The following SEMA6D variants were observed in gnomAD, a reference collection of about 807,000 sequenced individuals.
SEMA6D encodes the protein semaphorin 6D.
In SEMA6D, 35 loss-of-function variants were observed where a neutral mutation model predicts 106.6. The ratio of observed to expected loss-of-function variants is 0.33; its 90% CI spans 0.25 to 0.44. SEMA6D has a LOEUF of 0.44. SEMA6D is among the 20% of genes least tolerant of loss of function. The pLI, the probability that SEMA6D is intolerant of heterozygous loss-of-function variation, is 1.00. For synonymous variants in SEMA6D, 499 were observed against 487.7 expected, an observed-to-expected ratio of 1.02 and a Z score of -0.31; for missense variants, 1,185 against 1,345.9, an observed-to-expected ratio of 0.88 and a Z score of 1.87.
Position 47,568,099 on chromosome 15 carries a change from T to C in SEMA6D, c.-86-32766T>C, listed in dbSNP as rs1002809285. Among the ~76,000 whole-genome samples, 15 of 151,188 alleles carry C rather than the reference T, an allele frequency of 9.9e-5. No homozygotes were observed. The East Asian group carries it at 2.7e-3, about 28-fold the overall frequency. On this transcript the variant is annotated intron_variant, in intron 3 of 19. Transcript: ENST00000558014. ...TAATGTAGTTGTATCAAAGCTTGTA[T>C]ACACTGCTGGTGGAGATGTAACTTG...
At position 47,367,692 on chromosome 15, in the gene SEMA6D, G is replaced by GCGCGCACA. The variant is rs1219759915; in HGVS notation, c.-238-44700_-238-44699insGCGCACAC. Among the ~76,000 whole-genome samples, 20 of 73,502 alleles carry GCGCGCACA rather than the reference G, an allele frequency of 2.7e-4. 1 individual carries two copies. Among genetic ancestry groups the GCGCGCACA allele is most frequent in the African/African-American group, 7.8e-4 (19 of 24,402 alleles). The allele number at this position is 73,502 out of a possible 152,430, so 48.2% of individuals were successfully genotyped here. On this transcript the variant is annotated intron_variant, in intron 1 of 19. Transcript: ENST00000558014. ...CGCACGCTCACACGCGCGCGCGCGC[G>GCGCGCACA]CACACACACACACACACACACACAC... is the stretch of plus-strand genomic sequence containing the variant.
At chr15:47,217,719 T>C (rs72731751) in intron 1 of SEMA6D, among the ~76,000 whole-genome samples, 63,354 of 151,590 alleles carry the variant, frequency 0.42, 14,159 homozygotes, top group African/African-American at 0.56. Context: ...AAAAATGTTA[T>C]GCCATTTTTC....
At chr15:47,720,857 G>C (rs1253011960) in intron 1 of SEMA6D, among the ~76,000 whole-genome samples, 1 of 152,214 alleles carries the variant, frequency 6.6e-6, no homozygotes, top group Non-Finnish European at 1.5e-5. Context: ...TCACCCTTTT[G>C]ATGCATTTTA....
In SEMA6D at chr15:47,391,659, A is replaced by ATTTT. The variant is rs36039887; in HGVS notation, c.-238-20722_-238-20719dup. 1.2e-3 allele frequency among the ~76,000 whole-genome samples: 179 copies of ATTTT among 146,118 alleles called. 1 individual carries two copies. Among genetic ancestry groups the ATTTT allele is most frequent in the East Asian group, 6.7e-3 (33 of 4,920 alleles). ...AATTTAGGGACAGAAACAACTATTG[A>ATTTT]TTTTTTTTTTTTTTTGTAAGAGGAG... On this transcript the variant is annotated intron_variant, in intron 1 of 19. Transcript: ENST00000558014.
At chr15:47,410,754 C>G (rs1268874752) in intron 1 of SEMA6D, among the ~76,000 whole-genome samples, 1 of 152,160 alleles carries the variant, frequency 6.6e-6, no homozygotes, top group African/African-American at 2.4e-5. Flanking sequence ...TGTGTTGTTA[C>G]AAACTCTCCA....
intron 4 of SEMA6D, among the ~76,000 whole-genome samples, chr15:47,677,863 G>C (rs2078276305): frequency 6.6e-6 from 1 of 152,172 alleles, no homozygotes; most frequent in Non-Finnish European, 1.5e-5. Flanking sequence ...GACAGAGAAT[G>C]TAAGAAATTA....
At chr15:47,668,808 C>G (rs1368635066) in intron 4 of SEMA6D, among the ~76,000 whole-genome samples, 1 of 152,160 alleles carries the variant, frequency 6.6e-6, no homozygotes, top group Non-Finnish European at 1.5e-5. Flanking sequence ...TGAGTGTTGC[C>G]TCTGGGCCAT....
intron 1 of SEMA6D, among the ~76,000 whole-genome samples, chr15:47,341,312 C>A (rs2037803117): frequency 6.6e-6 from 1 of 152,130 alleles, no homozygotes; most frequent in Non-Finnish European, 1.5e-5. Context: ...ATTGCTTGAA[C>A]CCGGGAGGTA....
chr15:47,703,889 G>A (rs2078863022), intron 4 of SEMA6D, among the ~76,000 whole-genome samples: 1 of 152,128 alleles, frequency 6.6e-6, no homozygotes, highest in Non-Finnish European at 1.5e-5. Flanking sequence ...AGATTAAGTT[G>A]TCTGCTAATA....
chr15:47,615,089 T>G (rs931184039), intron 4 of SEMA6D, among the ~76,000 whole-genome samples: 1 of 152,216 alleles, frequency 6.6e-6, no homozygotes, highest in Non-Finnish European at 1.5e-5. Context: ...TAAAAATGTT[T>G]TCTTCAACCT....
rs775550632 is a variant in SEMA6D, at chr15:47,768,580, G to A, written c.1766-1G>A. 1.2e-6 allele frequency: 2 copies of A among 1,607,126 alleles called. No homozygotes were observed. Among genetic ancestry groups the A allele is most frequent in the South Asian group, 2.2e-5 (2 of 90,100 alleles). ...TAATAAAAATCTGTTTGCCACCACA[G>A]ACATGGAGGTATCTTCATCTTCTGT... On this transcript the variant is annotated splice_acceptor_variant, in intron 17 of 18. Coordinates refer to ENST00000536845, the MANE Select transcript of SEMA6D (RefSeq NM_001358351.3). LOFTEE classifies it high-confidence loss of function.
chr15:47,590,592 T>C (rs1355111342), intron 3 of SEMA6D, among the ~76,000 whole-genome samples: 1 of 152,048 alleles, frequency 6.6e-6, no homozygotes, highest in African/African-American at 2.4e-5. Context: ...TCTGTAGATA[T>C]AATTATCTAA....
chr15:47,741,171 G>A (rs3985863), intron 1 of SEMA6D, among the ~76,000 whole-genome samples: 15,183 of 152,030 alleles, frequency 0.1, 1,015 homozygotes, highest in South Asian at 0.15. Context: ...ATCTTTCTCT[G>A]CTGCAGGGAT....
chr15:47,468,930 G>T (rs1335382896), intron 2 of SEMA6D, among the ~76,000 whole-genome samples: 1 of 152,086 alleles, frequency 6.6e-6, no homozygotes, highest in Non-Finnish European at 1.5e-5. Context: ...GACTTTCTTG[G>T]AATGTTTTAT....
intron 2 of SEMA6D, among the ~76,000 whole-genome samples, chr15:47,468,763 G>T (rs1350630367): frequency 1.3e-5 from 2 of 152,238 alleles, no homozygotes; most frequent in South Asian, 4.1e-4. Flanking sequence ...CAATATCCAG[G>T]TTTGAATAGT....
intron 3 of SEMA6D, among the ~76,000 whole-genome samples, chr15:47,480,891 T>C (rs2043136591): frequency 6.6e-6 from 1 of 152,206 alleles, no homozygotes; most frequent in African/African-American, 2.4e-5. Flanking sequence ...CTATTGTGGA[T>C]ATCACCTCTT....
intron 1 of SEMA6D, among the ~76,000 whole-genome samples, chr15:47,383,323 A>G (rs1595876035): frequency 6.6e-6 from 1 of 152,332 alleles, no homozygotes; most frequent in East Asian, 1.9e-4. Flanking sequence ...TTGATAATTC[A>G]TTAACTCAGA....
intron 4 of SEMA6D, among the ~76,000 whole-genome samples, chr15:47,680,396 C>T (rs934571463): frequency 6.6e-6 from 1 of 152,156 alleles, no homozygotes; most frequent in Admixed American, 6.5e-5. Context: ...GTTTATGAAT[C>T]CTGCTCTGAG....
intron 1 of SEMA6D, among the ~76,000 whole-genome samples, chr15:47,379,629 G>GAACTTTA: frequency 6.6e-6 from 1 of 152,324 alleles, no homozygotes; most frequent in East Asian, 1.9e-4. Context: ...TGGAAGAGGT[G>GAACTTTA]AACTTTAAAT....
Sources: gnomAD v4.1 joint callset for allele counts (sites outside exome capture counted in the v4.1 genomes callset) on GRCh38, gnomAD v4.1.1 for gene constraint, MANE v1.5 for transcripts, NCBI Gene and HGNC (gene_info 2026-07-23, HGNC 2026-07-21) for gene names.